SLC17A2: variants seen among roughly 807,000 people sequenced by gnomAD.
SLC17A2 encodes solute carrier family 17 member 2.
SLC17A2 carries 38 observed loss-of-function variants against 52.1 expected under a neutral mutation model. The observed-to-expected ratio is 0.73, with a 90% confidence interval of 0.56 to 0.96. The LOEUF is 0.96. SLC17A2 is among the 40% of genes least tolerant of loss of function. The probability of loss-of-function intolerance (pLI) is 0.00; values close to 1 mark genes in which losing one functional copy is unlikely to be tolerated. For missense variants in SLC17A2, 508 were observed against 583.9 expected, an observed-to-expected ratio of 0.87 and a Z score of 1.34; for synonymous variants, 226 against 211.9, an observed-to-expected ratio of 1.07 and a Z score of -0.58.
chr6:25,918,611 C>A (rs2151547672), intron 5 of SLC17A2, 38 bp from the exon 6 acceptor site: 1 of 1,451,152 alleles, frequency 6.9e-7, no homozygotes, highest in Admixed American at 1.7e-5. Flanking sequence ...ATGAAAATAT[C>A]AAAGGCTGAG....
intron 5 of SLC17A2, among the ~76,000 whole-genome samples, chr6:25,920,222 T>C (rs934064714): frequency 6.6e-6 from 1 of 152,180 alleles, no homozygotes; most frequent in African/African-American, 2.4e-5. Context: ...AGCTGTGTAG[T>C]GGACCTAGGA....
At chr6:25,917,177 C>T in intron 6 of SLC17A2, 90 bp from the exon 7 acceptor site, 1 of 837,478 alleles carries the variant, frequency 1.2e-6, no homozygotes, top group Non-Finnish European at 2.0e-6. Context: ...CTCCCTTCTA[C>T]ACACTAATCA....
Position 25,921,169 on chromosome 6 carries a change from A to G in SLC17A2, c.474+10T>C. 1.2e-6 allele frequency: 2 copies of G among 1,613,986 alleles called. No individual in the cohort carries two copies. Among genetic ancestry groups the G allele is most frequent in the Non-Finnish European group, 1.7e-6 (2 of 1,179,846 alleles). ...TGGATCCCACCAAGAATGAGAAAGTATCTGGATACCTGGGCCATGCCCTGG... is the reference window on the plus strand; with the variant it reads ...TGGATCCCACCAAGAATGAGAAAGTGTCTGGATACCTGGGCCATGCCCTGG... On this transcript the variant is annotated intron_variant, in intron 4 of 11. Coordinates refer to ENST00000377850, the MANE Select transcript of SLC17A2 (RefSeq NM_001286123.3).
chr6:25,915,496 T>C lies in SLC17A2; in HGVS notation c.1211+3A>G. On this transcript the variant is annotated splice_donor_region_variant and intron_variant, in intron 10 of 11. Transcript: ENST00000377850. ...GAGGGGAAAAAACAGGTAGAGCTCTTACCTGGGGGCGATATCTAAGGTGTT... is the reference window on the plus strand; with the variant it reads ...GAGGGGAAAAAACAGGTAGAGCTCTCACCTGGGGGCGATATCTAAGGTGTT... The C allele has an allele frequency of 3.2e-6, 5 of 1,549,364 alleles. No individual in the cohort carries two copies. The highest frequency in any genetic ancestry group is 4.4e-6 in the Non-Finnish European group (5 of 1,146,586).
Position 25,913,411 on chromosome 6 carries a change from G to A in SLC17A2, c.1343C>T (p.Ala448Val). ...SGWRNVFFLS[A>V]AVNMFGLVFY... ...GACCAGGCCAAACATGTTGACTGCA[G>A]CAGACAGGAAAAAGACATTCCTCCA... The change falls in exon 12 of 12, where the codon GCT (alanine) becomes GTT (valine). Residue 448 changes from alanine to valine, a missense_variant. By Grantham distance (64) the Ala-to-Val change is moderately conservative. Coordinates refer to ENST00000377850, the MANE Select transcript of SLC17A2 (RefSeq NM_001286123.3). 6.2e-7 allele frequency: 1 copy of A among 1,614,056 alleles called. No individual in the cohort carries two copies. The highest frequency in any genetic ancestry group is 1.1e-5 in the South Asian group (1 of 91,088).
chr6:25,913,938 C>T (rs1766202486), intron 11 of SLC17A2, among the ~76,000 whole-genome samples: 1 of 152,136 alleles, frequency 6.6e-6, no homozygotes, highest in Non-Finnish European at 1.5e-5. Flanking sequence ...GCATTATAGT[C>T]ACAGTGGATT....
intron 10 of SLC17A2, among the ~76,000 whole-genome samples, chr6:25,915,003 C>T (rs1766246979): frequency 6.6e-6 from 1 of 151,678 alleles, no homozygotes; most frequent in South Asian, 2.1e-4. Context: ...CTTTATGTGA[C>T]CATAGTCACA....
intron 2 of SLC17A2, among the ~76,000 whole-genome samples, chr6:25,924,263 T>G (rs926984464): frequency 6.6e-6 from 1 of 152,178 alleles, no homozygotes; most frequent in African/African-American, 2.4e-5. Context: ...TCAGCGTCAA[T>G]AAAATTCCCT....
chr6:25,916,524 T>C (rs1766323556), intron 8 of SLC17A2, among the ~76,000 whole-genome samples, 161 bp downstream of exon 8: 1 of 152,238 alleles, frequency 6.6e-6, no homozygotes, highest in Non-Finnish European at 1.5e-5. Flanking sequence ...AGTGTCCTGT[T>C]TCCACATCTG....
intron 10 of SLC17A2, 138 bp downstream of exon 10, chr6:25,915,361 A>T: frequency 1.3e-6 from 1 of 777,714 alleles, no homozygotes; most frequent in Non-Finnish European, 1.9e-6. Context: ...AAAAATGGCC[A>T]CAGACAGATA....
At position 25,914,580 on chromosome 6, in the gene SLC17A2, C is replaced by A. The variant is rs757060729; in HGVS notation, c.1302G>T (p.Gln434His). Residue 434 changes from glutamine (Q) to histidine (H), a missense_variant and splice_region_variant, in exon 11 of 12, where the codon CAG becomes CAT. Gln to His is a conservative substitution (Grantham distance 24). Coordinates refer to ENST00000377850, the MANE Select transcript of SLC17A2 (RefSeq NM_001286123.3). Reference protein sequence around the residue: ...SSTATGFLISQDFESGWRNVF... With the variant: ...SSTATGFLISHDFESGWRNVF... ...AAGATGTTCAATAAACTGGCCCAAC[C>A]TGACTGATGAGGAATCCAGTGGCAG... 4.4e-6 allele frequency: 7 copies of A among 1,604,116 alleles called. No individual in the cohort carries two copies. Among genetic ancestry groups the A allele is most frequent in the Non-Finnish European group, 6.0e-6 (7 of 1,170,844 alleles).
Position 25,920,932 on chromosome 6 carries a change from A to G in SLC17A2, c.562+74T>C, listed in dbSNP as rs955170856. The G allele has an allele frequency of 1.4e-5, 19 of 1,390,940 alleles. No homozygotes were observed. The African/African-American group carries it at 2.4e-4, about 18-fold the overall frequency. 86.2% of individuals were successfully genotyped at this position (1,390,940 alleles called of 1,614,324 possible). A position where few individuals can be genotyped will look rare whatever the true frequency, so the allele number is the denominator to read the frequency against. On this transcript the variant is annotated intron_variant, in intron 5 of 11. Transcript: ENST00000377850. ...ACTTTTTCTCTCTCTTCCCCAAACC[A>G]TTTGATTCATAGAAGATAAGACACA...
At chr6:25,929,615 G>A (rs1055357450) in intron 1 of SLC17A2, among the ~76,000 whole-genome samples, 1 of 152,154 alleles carries the variant, frequency 6.6e-6, no homozygotes, top group Non-Finnish European at 1.5e-5. Flanking sequence ...TTCCTTCAGT[G>A]TTAGAAAAAC....
rs751974594 is a variant in SLC17A2, at chr6:25,923,715, T to C, written c.220A>G (p.Ile74Val). ...CTTACCTTTGTATCAAATTCCTTGA[T>C]GGATATGCTGGAGTTATTGAAGGCA... is the stretch of plus-strand genomic sequence containing the variant. Reference protein sequence around the residue: ...ADAFNNSSISIKEFDTKASVY... With the variant: ...ADAFNNSSISVKEFDTKASVY... Residue 74 changes from isoleucine (I) to valine (V), a missense_variant, in exon 3 of 12, where the codon ATC (isoleucine) becomes GTC (valine). Physicochemically the swap from Ile to Val is conservative, Grantham distance 29. Transcript: ENST00000377850. 3 of 1,614,122 alleles carry C rather than the reference T, an allele frequency of 1.9e-6. No individual in the cohort carries two copies. Among genetic ancestry groups the C allele is most frequent in the Non-Finnish European group, 2.5e-6 (3 of 1,179,980 alleles).
intron 3 of SLC17A2, among the ~76,000 whole-genome samples, chr6:25,923,277 A>C (rs1337734641): frequency 6.6e-6 from 1 of 152,158 alleles, no homozygotes; most frequent in Non-Finnish European, 1.5e-5. Flanking sequence ...CTCTTGGCAA[A>C]ATTTATTTGC....
intron 1 of SLC17A2, among the ~76,000 whole-genome samples, chr6:25,929,412 C>T (rs115903105): frequency 0.022 from 3,313 of 152,246 alleles, 100 homozygotes; most frequent in African/African-American, 0.064. Context: ...TAATAATAAA[C>T]AGTCACAATA....
chr6:25,923,899 A>C lies in SLC17A2; in HGVS notation c.36T>G (p.Asp12Glu). The C allele has an allele frequency of 6.2e-7, 1 of 1,613,858 alleles. No individual in the cohort carries two copies. The highest frequency in any genetic ancestry group is 8.5e-7 in the Non-Finnish European group (1 of 1,179,896). Residue 12 changes from aspartate (D) to glutamate (E), a missense_variant, in exon 3 of 12, where the codon GAT (aspartate) becomes GAG (glutamate). Transcript: ENST00000377850. ...CCAGCCCATAGCGTAATGAACAGAA[A>C]TCTGGACCTAGACAACAACACAGAT... is the stretch of plus-strand genomic sequence containing the variant. ...DGKPATRKGP[D>E]FCSLRYGLAL...
rs1766542539 is a variant in SLC17A2 at position 25,921,183 on chromosome 6, G to A, written c.470C>T (p.Ala157Val). The A allele has an allele frequency of 6.2e-7, 1 of 1,614,012 alleles. No individual in the cohort carries two copies. The highest frequency in any genetic ancestry group is 8.5e-7 in the Non-Finnish European group (1 of 1,179,944). ...VIMVRTVQGM[A>V]QGMAWTGQFT... ...AATGAGAAAGTATCTGGATACCTGG[G>A]CCATGCCCTGGACTGTCCGAACCAT... The change falls in exon 4 of 12, where the codon GCC (alanine) becomes GTC (valine). Residue 157 changes from alanine to valine, a missense_variant. Coordinates refer to ENST00000377850, the MANE Select transcript of SLC17A2 (RefSeq NM_001286123.3).
In SLC17A2 at chr6:25,915,551, T is replaced by C; in HGVS notation, c.1159A>G (p.Ser387Gly). 2.5e-6 allele frequency: 4 copies of C among 1,585,588 alleles called. No homozygotes were observed. Among genetic ancestry groups the C allele is most frequent in the Non-Finnish European group, 3.4e-6 (4 of 1,165,940 alleles). ...ATAAACCCTGAGTCACATAGGTTAC[T>C]GGTCCCAGGAATAAGTATCAGCAAA... Reference protein sequence around the residue: ...IILLILIPGTSNLCDSGFIIN... With the variant: ...IILLILIPGTGNLCDSGFIIN... The change falls in exon 10 of 12, where the codon AGT (serine) becomes GGT (glycine). Residue 387 changes from serine (S) to glycine (G), a missense_variant. Transcript: ENST00000377850.
Sources: gnomAD v4.1 joint callset for allele counts (sites outside exome capture counted in the v4.1 genomes callset) on GRCh38, gnomAD v4.1.1 for gene constraint, MANE v1.5 for transcripts, NCBI Gene and HGNC (gene_info 2026-07-23, HGNC 2026-07-21) for gene names.